LIMS1: variants seen among roughly 807,000 people sequenced by gnomAD.
LIMS1 encodes LIM zinc finger domain containing 1, also known as LIM and senescent cell antigen-like-containing domain protein 1.
LIMS1 carries 18 observed loss-of-function variants against 44.1 expected under a neutral mutation model. The ratio of observed to expected loss-of-function variants is 0.41; its 90% CI spans 0.28 to 0.61. The LOEUF is 0.61. Ranked by LOEUF, LIMS1 falls within the 20% of genes least tolerant of loss-of-function variation. The probability of loss-of-function intolerance (pLI) is 0.32; values close to 1 mark genes in which losing one functional copy is unlikely to be tolerated. For missense variants in LIMS1, 201 were observed against 422.0 expected, an observed-to-expected ratio of 0.48 and a Z score of 4.59; for synonymous variants, 93 against 149.1, an observed-to-expected ratio of 0.62 and a Z score of 2.74.
exon 10 of LIMS1, chr2:108,684,840 A>G (rs1231977050): frequency 6.6e-6 from 1 of 152,124 alleles, no homozygotes; most frequent in Non-Finnish European, 1.5e-5. Flanking sequence ...AGCTTGGAAT[A>G]TATTGCTTCA....
chr2:108,634,540 G>A (rs1273229585), intron 1 of LIMS1, among the ~76,000 whole-genome samples: 2 of 152,190 alleles, frequency 1.3e-5, no homozygotes, highest in Non-Finnish European at 2.9e-5. Context: ...TCCCAAGGCT[G>A]GCTTTCAGGC....
chr2:108,676,084 G>GTAACCAATACTT, intron 6 of LIMS1, 56 bp downstream of exon 6: 1 of 1,531,956 alleles, frequency 6.5e-7, no homozygotes, highest in Non-Finnish European at 8.8e-7. Context: ...TGATTAAGGG[G>GTAACCAATACTT]TAACCAATAC....
At chr2:108,577,718 AG>A in intron 1 of LIMS1, among the ~76,000 whole-genome samples, 1 of 152,328 alleles carries the variant, frequency 6.6e-6, no homozygotes, top group African/African-American at 2.4e-5. Context: ...TTTAAGAGAG[AG>A]AGAAAAAAGG....
intron 1 of LIMS1, among the ~76,000 whole-genome samples, chr2:108,599,375 T>A (rs1168611809): frequency 6.6e-6 from 1 of 152,234 alleles, no homozygotes; most frequent in African/African-American, 2.4e-5. Flanking sequence ...TGGATCTCAT[T>A]CTTTTTTATG....
At chr2:108,616,663 CACAGTGA>C (rs1432831102) in intron 1 of LIMS1, among the ~76,000 whole-genome samples, 1 of 151,934 alleles carries the variant, frequency 6.6e-6, no homozygotes, top group Non-Finnish European at 1.5e-5. Context: ...TTTTTTTCCA[CACAGTGA>C]ACAGTTTTTG....
At chr2:108,661,449 C>T (rs972771782) in intron 2 of LIMS1, among the ~76,000 whole-genome samples, 7 of 151,474 alleles carry the variant, frequency 4.6e-5, no homozygotes, top group African/African-American at 1.7e-4. Flanking sequence ...ATCTTTTGGG[C>T]AAGGATGATG....
chr2:108,549,757 G>A (rs1262087744), intron 1 of LIMS1, among the ~76,000 whole-genome samples: 1 of 152,122 alleles, frequency 6.6e-6, no homozygotes, highest in South Asian at 2.1e-4. Flanking sequence ...GAAGTTCGTT[G>A]AGAGGAATAA....
intron 2 of LIMS1, among the ~76,000 whole-genome samples, chr2:108,661,934 C>T (rs1691402309): frequency 6.6e-6 from 1 of 152,056 alleles, no homozygotes; most frequent in Non-Finnish European, 1.5e-5. Flanking sequence ...GATAACATAG[C>T]AGGTTTGCGA....
chr2:108,553,744 C>T (rs1181294819), intron 1 of LIMS1, among the ~76,000 whole-genome samples: 1 of 152,164 alleles, frequency 6.6e-6, no homozygotes, highest in Admixed American at 6.5e-5. Context: ...AGGCCGTACA[C>T]CCCCAGAACT....
At chr2:108,576,975 G>A (rs1282503340) in intron 1 of LIMS1, among the ~76,000 whole-genome samples, 2 of 152,156 alleles carry the variant, frequency 1.3e-5, no homozygotes, top group Non-Finnish European at 2.9e-5. Flanking sequence ...GGCTGCCACA[G>A]CTTCACATTT....
intron 1 of LIMS1, among the ~76,000 whole-genome samples, chr2:108,582,756 A>G (rs1014117721): frequency 6.6e-6 from 1 of 152,228 alleles, no homozygotes; most frequent in Non-Finnish European, 1.5e-5. Context: ...CCTGGGCAAC[A>G]GAACAAGATG....
intron 1 of LIMS1, among the ~76,000 whole-genome samples, chr2:108,537,626 G>A (rs1371552100): frequency 2.6e-5 from 4 of 152,206 alleles, no homozygotes; most frequent in Admixed American, 2.0e-4. Flanking sequence ...AGAAAGCTAA[G>A]GAAAGTTTGG....
At chr2:108,588,640 T>G in intron 1 of LIMS1, 1 of 982,202 alleles carries the variant, frequency 1.0e-6, no homozygotes, top group Non-Finnish European at 1.2e-6. Flanking sequence ...TATTGTTGTA[T>G]TTCTGGATTT....
intron 1 of LIMS1, among the ~76,000 whole-genome samples, chr2:108,640,068 C>T (rs1415669704): frequency 6.6e-6 from 1 of 152,182 alleles, no homozygotes; most frequent in African/African-American, 2.4e-5. Context: ...CATCCAGTCT[C>T]GTGTCTTTCC....
intron 1 of LIMS1, among the ~76,000 whole-genome samples, chr2:108,572,547 G>A (rs1685516936): frequency 6.6e-6 from 1 of 151,846 alleles, no homozygotes. Context: ...ACCCCACCCA[G>A]CTAATTTTTT....
intron 1 of LIMS1, among the ~76,000 whole-genome samples, chr2:108,648,384 C>T (rs562265024): frequency 1.1e-4 from 17 of 152,208 alleles, no homozygotes; most frequent in African/African-American, 2.9e-4. Flanking sequence ...CTATACTGCC[C>T]AAAGTAATTT....
chr2:108,541,707 T>A (rs186957749), intron 1 of LIMS1, among the ~76,000 whole-genome samples: 28 of 152,306 alleles, frequency 1.8e-4, no homozygotes, highest in Admixed American at 1.8e-3. Flanking sequence ...AATGATGATT[T>A]CCTGCCTCAG....
At chr2:108,587,653 A>G (rs1686175952) in intron 1 of LIMS1, among the ~76,000 whole-genome samples, 1 of 152,214 alleles carries the variant, frequency 6.6e-6, no homozygotes. Flanking sequence ...GGACACCCTC[A>G]TTCATGGAAG....
At chr2:108,642,335 G>GTTTTTTGTT (rs1689727878) in intron 1 of LIMS1, among the ~76,000 whole-genome samples, 2 of 34,146 alleles carry the variant, frequency 5.9e-5, no homozygotes, top group African/African-American at 1.9e-4. Context: ...AGCTACTAGT[G>GTTTTTTGTT]TTTTTTGTTT....
Sources: gnomAD v4.1 joint callset for allele counts (sites outside exome capture counted in the v4.1 genomes callset) on GRCh38, gnomAD v4.1.1 for gene constraint, MANE v1.5 for transcripts, NCBI Gene and HGNC (gene_info 2026-07-23, HGNC 2026-07-21) for gene names.